The following KYAT3 variants were observed in gnomAD, a reference collection of about 807,000 sequenced individuals.
KYAT3 encodes the protein kynurenine--oxoglutarate transaminase 3.
A neutral mutation model predicts 59.0 loss-of-function variants in KYAT3; 50 were observed. The ratio of observed to expected loss-of-function variants is 0.85; its 90% confidence interval spans 0.68 to 1.07. The LOEUF (loss-of-function observed/expected upper bound fraction) is 1.07. KYAT3 is among the 50% of genes least tolerant of loss of function. The pLI is 0.00. For missense variants in KYAT3, 497 were observed against 533.3 expected, an observed-to-expected ratio of 0.93 and a Z score of 0.67; for synonymous variants, 148 against 177.0, an observed-to-expected ratio of 0.84 and a Z score of 1.30.
At chr1:88,955,935 C>T (rs1336810809) in intron 8 of KYAT3, among the ~76,000 whole-genome samples, 3 of 152,040 alleles carry the variant, frequency 2.0e-5, no homozygotes, top group Non-Finnish European at 2.9e-5. Context: ...TTAAAGTATG[C>T]CATTCAGTGA....
intron 5 of KYAT3, among the ~76,000 whole-genome samples, chr1:88,963,678 A>G (rs747682508): frequency 2.0e-5 from 3 of 152,216 alleles, no homozygotes; most frequent in Non-Finnish European, 4.4e-5. Flanking sequence ...TCTACTAGAC[A>G]GGGAACACCT....
chr1:88,962,432 AC>A (rs1391570774), intron 5 of KYAT3, among the ~76,000 whole-genome samples: 1 of 152,230 alleles, frequency 6.6e-6, no homozygotes, highest in African/African-American at 2.4e-5. Context: ...AGATAGATTT[AC>A]CTGGAGAATG....
At chr1:88,990,427 T>C (rs2101106054) in intron 1 of KYAT3, among the ~76,000 whole-genome samples, 1 of 152,342 alleles carries the variant, frequency 6.6e-6, no homozygotes, top group South Asian at 2.1e-4. Flanking sequence ...TGGCAACTCT[T>C]GCTAAAGTCA....
intron 3 of KYAT3, 109 bp from the exon 4 acceptor site, chr1:88,968,923 C>A: frequency 1.3e-6 from 1 of 784,112 alleles, no homozygotes. Context: ...CTAGTTTAGT[C>A]CTATAGGTTT....
chr1:88,954,618 C>T (rs144419039), intron 9 of KYAT3, among the ~76,000 whole-genome samples: 13 of 152,152 alleles, frequency 8.5e-5, no homozygotes, highest in African/African-American at 2.2e-4. Flanking sequence ...GGGAAAATGA[C>T]CTAATTTTTC....
intron 1 of KYAT3, among the ~76,000 whole-genome samples, chr1:88,990,303 A>C (rs1010587428): frequency 7.1e-6 from 1 of 141,078 alleles, no homozygotes; most frequent in Non-Finnish European, 1.6e-5. Flanking sequence ...AACACAAAAA[A>C]TAAAACTCTT....
intron 2 of KYAT3, chr1:88,983,843 G>T (rs1265680830): frequency 6.8e-7 from 1 of 1,461,914 alleles, no homozygotes; most frequent in Non-Finnish European, 9.4e-7. Context: ...TTTTGCCGGT[G>T]AGTCGGAGGG....
chr1:88,933,319 G>A (rs1347546681), downstream of KYAT3, among the ~76,000 whole-genome samples: 1 of 152,108 alleles, frequency 6.6e-6, no homozygotes, highest in East Asian at 1.9e-4. Context: ...CTACAAGAGT[G>A]CCTGGCACAT....
chr1:88,980,873 A>G (rs890064931), intron 2 of KYAT3: 1 of 152,216 alleles, frequency 6.6e-6, no homozygotes, highest in Admixed American at 6.5e-5. Flanking sequence ...TTTGGTCATT[A>G]CCCTTGTGGT....
intron 1 of KYAT3, among the ~76,000 whole-genome samples, chr1:88,991,662 C>T (rs912342786): frequency 2.0e-5 from 3 of 152,220 alleles, no homozygotes; most frequent in Admixed American, 2.0e-4. Flanking sequence ...TAAGGAGACA[C>T]GAGCCTGAAA....
At chr1:88,941,079 A>C (rs1675216327) in intron 13 of KYAT3, among the ~76,000 whole-genome samples, 1 of 152,198 alleles carries the variant, frequency 6.6e-6, no homozygotes, top group African/African-American at 2.4e-5. Flanking sequence ...CCATTTTAAA[A>C]CTGGAAGTCC....
At chr1:88,938,905 T>A (rs1305993494) in intron 13 of KYAT3, among the ~76,000 whole-genome samples, 2 of 152,234 alleles carry the variant, frequency 1.3e-5, no homozygotes, top group African/African-American at 4.8e-5. Context: ...GTGAAAATCC[T>A]TGAATATAAG....
intron 6 of KYAT3, 110 bp from the exon 7 acceptor site, chr1:88,961,616 A>G: frequency 1.1e-6 from 1 of 921,870 alleles, no homozygotes; most frequent in Non-Finnish European, 1.6e-6. Context: ...ATGGCAAAGG[A>G]AACTGAATAA....
intron 2 of KYAT3, among the ~76,000 whole-genome samples, chr1:88,978,953 T>C (rs2810879): frequency 0.9 from 136,495 of 152,088 alleles, 63,130 homozygotes; most frequent in East Asian, 1. Flanking sequence ...CCACACCTGG[T>C]GGAGTTGTGA....
rs1406073921 is a variant in KYAT3 at position 88,983,985 on chromosome 1, T to C, written c.99+4267A>G. 4 of 624,216 alleles carry C rather than the reference T, an allele frequency of 6.4e-6. No individual in the cohort carries two copies. In the East Asian group the frequency reaches 1.1e-4, roughly 17 times the overall value. The allele number at this position is 624,216 out of a possible 1,614,324, so 38.7% of individuals were successfully genotyped here. On this transcript the variant is annotated intron_variant, in intron 2 of 13. Coordinates refer to ENST00000260508, the MANE Select transcript of KYAT3 (RefSeq NM_001008661.3). ...ACTACTGCGCAATCTGGATGCTTTT[T>C]AAGGTATGGCTATCCATTCAAAAAA...
intron 2 of KYAT3, among the ~76,000 whole-genome samples, chr1:88,971,664 C>T (rs1359680972): frequency 6.6e-6 from 1 of 152,116 alleles, no homozygotes; most frequent in African/African-American, 2.4e-5. Context: ...GGAGATCATG[C>T]CCTTGTTGAG....
At chr1:88,987,720 A>G (rs1677545629) in intron 2 of KYAT3, among the ~76,000 whole-genome samples, 1 of 152,222 alleles carries the variant, frequency 6.6e-6, no homozygotes, top group African/African-American at 2.4e-5. Context: ...TACTTGGCAT[A>G]TTATCTAAAA....
intron 11 of KYAT3, among the ~76,000 whole-genome samples, chr1:88,946,766 T>C (rs1675461883): frequency 6.6e-6 from 1 of 152,214 alleles, no homozygotes; most frequent in Non-Finnish European, 1.5e-5. Context: ...AGGTTCTATA[T>C]AAGCATAGAG....
At chr1:88,985,381 T>G (rs974769104) in intron 2 of KYAT3, among the ~76,000 whole-genome samples, 2 of 152,180 alleles carry the variant, frequency 1.3e-5, no homozygotes, top group African/African-American at 4.8e-5. Context: ...AAGTTTGGGT[T>G]TGAGGCTGAG....
Sources: allele counts gnomAD v4.1 joint callset (sites outside exome capture counted in the v4.1 genomes callset), GRCh38; gene constraint gnomAD v4.1.1; transcripts MANE v1.5; gene names NCBI Gene and HGNC (gene_info 2026-07-23, HGNC 2026-07-21).